GFOD1: variants seen among roughly 807,000 people sequenced by gnomAD.
The protein encoded by GFOD1 is Gfo/Idh/MocA-like oxidoreductase domain containing 1, also known as glucose-fructose oxidoreductase domain-containing protein 1.
In GFOD1, 9 loss-of-function variants were observed where a neutral mutation model predicts 25.4. The ratio of observed to expected loss-of-function variants is 0.35; its 90% CI spans 0.21 to 0.62. The LOEUF (loss-of-function observed/expected upper bound fraction) is 0.62. Among genes scored for constraint, GFOD1 ranks in the 20% least tolerant of loss-of-function variants. GFOD1 has a pLI of 0.72. For missense variants in GFOD1, 403 were observed against 556.9 expected (o/e 0.72, Z 2.78); for synonymous variants, 253 against 245.6 (o/e 1.03, Z -0.28).
chr6:13,365,609 G>A lies in GFOD1; in HGVS notation c.307C>T (p.Arg103Cys). 1 of 1,604,148 alleles carries A rather than the reference G, an allele frequency of 6.2e-7. No individual in the cohort carries two copies. The highest frequency in any genetic ancestry group is 8.5e-7 in the Non-Finnish European group (1 of 1,179,764). ...DRTATPLDAF[R>C]MTSAAHYYPK... ...TAGTAGTGGGCGGCCGAGGTCATGC[G>A]GAAAGCGTCCAGCGGCGTGGCCGTG... Residue 103 changes from arginine (R) to cysteine (C), a missense_variant, in exon 2 of 2, where the codon CGC becomes TGC. Arg to Cys is a radical substitution (Grantham distance 180, BLOSUM62 -3). Coordinates refer to ENST00000379287, the MANE Select transcript of GFOD1 (RefSeq NM_018988.4). The surrounding 1 kb of genome is among the most constrained non-coding windows in gnomAD (Gnocchi z 9.2).
At chr6:13,463,578 C>T (rs539073296) in intron 1 of GFOD1, among the ~76,000 whole-genome samples, 4 of 152,270 alleles carry the variant, frequency 2.6e-5, no homozygotes, top group African/African-American at 4.8e-5. Context: ...CACAGTTATC[C>T]GTCCATTAAG....
In GFOD1 at chr6:13,367,727, G is replaced by T. The variant is rs2127555102; in HGVS notation, c.254-2065C>A. Among the ~76,000 whole-genome samples the T allele has an allele frequency of 2.0e-5, 3 of 150,728 alleles. No homozygotes were observed. The South Asian group carries it at 6.3e-4, about 31-fold the overall frequency. On this transcript the variant is annotated intron_variant, in intron 1 of 1. Transcript: ENST00000379287. ...GTCAGGGAAGAAGAAAAACAACTCA[G>T]CTGGACCTGGAGAAACAGCCAACTG...
chr6:13,401,885 T>C (rs527261459), intron 1 of GFOD1, among the ~76,000 whole-genome samples: 27 of 152,312 alleles, frequency 1.8e-4, no homozygotes, highest in Non-Finnish European at 3.7e-4. Flanking sequence ...TGAAAGAATA[T>C]CCTCTTTAAA....
Position 13,358,782 on chromosome 6 carries a change from C to T in GFOD1, c.*5961G>A, listed in dbSNP as rs1256202532. 6.6e-6 allele frequency: 1 copy of T among 152,400 alleles called. No individual in the cohort carries two copies. Among genetic ancestry groups the T allele is most frequent in the Non-Finnish European group, 1.5e-5 (1 of 68,156 alleles). 9.4% of individuals were successfully genotyped at this position (152,400 alleles called of 1,614,324 possible). A position where few individuals can be genotyped will look rare whatever the true frequency, so the allele number is the denominator to read the frequency against. On this transcript the variant is annotated 3_prime_UTR_variant, in exon 2 of 2. Coordinates refer to ENST00000379287, the MANE Select transcript of GFOD1 (RefSeq NM_018988.4). ...ATGACTATTGTCTAGCCCCTGCCTA[C>T]ATCTGCCCAGGCAAGCTTTTGATTG...
chr6:13,446,005 A>G (rs73725830), intron 1 of GFOD1, among the ~76,000 whole-genome samples: 7,298 of 152,286 alleles, frequency 0.048, 557 homozygotes, highest in African/African-American at 0.17. Flanking sequence ...ATGTCTGTTT[A>G]TTCAACCTCA....
intron 1 of GFOD1, among the ~76,000 whole-genome samples, chr6:13,369,769 T>C (rs1785113607): frequency 6.6e-6 from 1 of 152,168 alleles, no homozygotes; most frequent in Non-Finnish European, 1.5e-5. Context: ...TAGAAAATGA[T>C]GCTTATGGAG....
chr6:13,398,083 C>G (rs950480683), intron 1 of GFOD1, among the ~76,000 whole-genome samples: 4 of 152,192 alleles, frequency 2.6e-5, no homozygotes, highest in African/African-American at 9.7e-5. Context: ...GCTGCCAGCA[C>G]GAGCTGTTTC....
intron 1 of GFOD1, among the ~76,000 whole-genome samples, chr6:13,453,556 C>T (rs1562223784): frequency 1.3e-5 from 2 of 152,192 alleles, no homozygotes; most frequent in Non-Finnish European, 2.9e-5. Flanking sequence ...TGTCCTTATT[C>T]CTTTCAATTC....
At chr6:13,434,417 T>TTATGGAAGCACAGAAGTCAAGTGC (rs1757800792) in intron 1 of GFOD1, among the ~76,000 whole-genome samples, 1 of 144,206 alleles carries the variant, frequency 6.9e-6, no homozygotes, top group African/African-American at 2.6e-5. Flanking sequence ...GTGCAGAGCA[T>TTATGGAAGCACAGAAGTCAAGTGC]TATGGAAGCA....
At chr6:13,429,676 G>A (rs1391692077) in intron 1 of GFOD1, among the ~76,000 whole-genome samples, 5 of 152,180 alleles carry the variant, frequency 3.3e-5, no homozygotes, top group African/African-American at 1.2e-4. Context: ...ACACAATAGT[G>A]TGGCAGGAAA....
rs191531963 is a variant in GFOD1 at position 13,482,738 on chromosome 6, G to C, written c.253+3900C>G. ...ACCCCAGCCTGGGCAACAGAGCGAG[G>C]CTCCGTCTCAAAAAATAAAATAAAA... is the stretch of plus-strand genomic sequence containing the variant. On this transcript the variant is annotated intron_variant, in intron 1 of 1. Transcript: ENST00000379287. 4.3e-3 allele frequency among the ~76,000 whole-genome samples: 651 copies of C among 151,946 alleles called. 2 individuals carry two copies. Among genetic ancestry groups the C allele is most frequent in the Admixed American group, 9.0e-3 (137 of 15,254 alleles).
intron 1 of GFOD1, among the ~76,000 whole-genome samples, chr6:13,397,637 C>T (rs1785759136): frequency 6.6e-6 from 1 of 152,152 alleles, no homozygotes; most frequent in South Asian, 2.1e-4. Context: ...ACTTTAGAAG[C>T]CAATGCAAAA....
At chr6:13,418,495 T>C (rs973700720) in intron 1 of GFOD1, among the ~76,000 whole-genome samples, 3 of 152,216 alleles carry the variant, frequency 2.0e-5, no homozygotes, top group African/African-American at 7.2e-5. Flanking sequence ...CATGTGTCCT[T>C]TAATGGAATG....
At chr6:13,386,060 C>CTTTT (rs5874414) in intron 1 of GFOD1, among the ~76,000 whole-genome samples, 1 of 128,028 alleles carries the variant, frequency 7.8e-6, no homozygotes, top group Non-Finnish European at 1.6e-5. Flanking sequence ...TGGGTAATTC[C>CTTTT]TTTTTTTTTT....
intron 1 of GFOD1, among the ~76,000 whole-genome samples, chr6:13,389,562 A>G (rs1217445541): frequency 1.3e-5 from 2 of 151,892 alleles, no homozygotes; most frequent in African/African-American, 4.8e-5. Context: ...GAGTTGAACA[A>G]TGAGAACACA....
In GFOD1 at chr6:13,486,620, G is replaced by A. The variant is rs747181223; in HGVS notation, c.253+18C>T. 1 of 1,610,868 alleles carries A rather than the reference G, an allele frequency of 6.2e-7. No individual in the cohort carries two copies. Among genetic ancestry groups the A allele is most frequent in the Non-Finnish European group, 8.5e-7 (1 of 1,177,532 alleles). The stretch of plus-strand genomic sequence containing the variant: ...AGGGCGGGGGTGGGACGGAGGATGC[G>A]GGGTAGGGGTCGCTCACCTAGGGTT... On this transcript the variant is annotated intron_variant, in intron 1 of 1. Coordinates refer to ENST00000379287, the MANE Select transcript of GFOD1 (RefSeq NM_018988.4).
At chr6:13,395,823 C>G (rs1785718630) in intron 1 of GFOD1, among the ~76,000 whole-genome samples, 1 of 152,192 alleles carries the variant, frequency 6.6e-6, no homozygotes, top group Non-Finnish European at 1.5e-5. Context: ...GCCATGAGCA[C>G]AGAAGCTGAG....
intron 1 of GFOD1, among the ~76,000 whole-genome samples, chr6:13,462,747 G>A (rs767063515): frequency 3.3e-5 from 5 of 152,060 alleles, no homozygotes; most frequent in Admixed American, 6.5e-5. Context: ...AATCCTATCC[G>A]CCAAACCTCC....
intron 1 of GFOD1, among the ~76,000 whole-genome samples, chr6:13,429,210 CATAGCACAGCTGCCAGTAA>C (rs1461505353): frequency 1.4e-4 from 21 of 152,206 alleles, no homozygotes; most frequent in Non-Finnish European, 2.2e-4. Flanking sequence ...CCTGGCTGGC[CATAGCACAGCTGCCAGTAA>C]AGGGAAACAG....
Sources: gnomAD v4.1 joint callset for allele counts (sites outside exome capture counted in the v4.1 genomes callset) on GRCh38, gnomAD v4.1.1 for gene constraint, Gnocchi (gnomAD v3.1) non-coding constraint, MANE v1.5 for transcripts, NCBI Gene and HGNC (gene_info 2026-07-23, HGNC 2026-07-21) for gene names.